The following DIP2B variants were observed in gnomAD, a reference collection of about 807,000 sequenced individuals.
DIP2B encodes the protein disco-interacting protein 2 homolog B.
Under a neutral mutation model 198.0 loss-of-function variants are expected in DIP2B, and 76 were observed. The observed-to-expected ratio is 0.38, with a 90% CI of 0.32 to 0.46. The LOEUF is 0.46. Among genes scored for constraint, DIP2B ranks in the 20% least tolerant of loss-of-function variants. The pLI is 0.99. For synonymous variants in DIP2B, 701 were observed against 739.1 expected, an observed-to-expected ratio of 0.95 and a Z score of 0.84; for missense variants, 1,559 against 1,978.4, an observed-to-expected ratio of 0.79 and a Z score of 4.02.
intron 1 of DIP2B, among the ~76,000 whole-genome samples, chr12:50,619,621 C>T (rs1011597785): frequency 3.9e-5 from 6 of 152,156 alleles, no homozygotes; most frequent in Non-Finnish European, 7.4e-5. Context: ...CTCTTCTCTG[C>T]GACATAATTG....
chr12:50,576,738 C>T (rs767061268), intron 1 of DIP2B, among the ~76,000 whole-genome samples: 6 of 136,756 alleles, frequency 4.4e-5, no homozygotes, highest in Non-Finnish European at 9.9e-5. Flanking sequence ...GCCTCGGCCT[C>T]TCAAAGTGCT....
chr12:50,645,156 T>C (rs192706524), intron 3 of DIP2B, among the ~76,000 whole-genome samples: 359 of 152,298 alleles, frequency 2.4e-3, no homozygotes, highest in Middle Eastern at 6.8e-3. Context: ...AGTATAAAAT[T>C]ATTTCATTTC....
At chr12:50,699,369 TG>T (rs1470980853) in intron 19 of DIP2B, among the ~76,000 whole-genome samples, 167 bp downstream of exon 19, 1 of 152,156 alleles carries the variant, frequency 6.6e-6, no homozygotes, top group East Asian at 1.9e-4. Context: ...TAGCTGACCT[TG>T]GGTGAGTTGG....
chr12:50,566,736 G>GAGA (rs1406186454), intron 1 of DIP2B, among the ~76,000 whole-genome samples: 4 of 152,090 alleles, frequency 2.6e-5, no homozygotes, highest in African/African-American at 9.7e-5. Flanking sequence ...TTGGGAGGCT[G>GAGA]AGATGGGCAG....
intron 27 of DIP2B, among the ~76,000 whole-genome samples, chr12:50,724,240 G>A (rs558157564): frequency 1.8e-4 from 28 of 152,314 alleles, no homozygotes; most frequent in African/African-American, 6.3e-4. Flanking sequence ...GATGCAGTTC[G>A]TGGGCAAAGT....
At chr12:50,661,707 T>C (rs1162904643) in intron 4 of DIP2B, among the ~76,000 whole-genome samples, 1 of 152,184 alleles carries the variant, frequency 6.6e-6, no homozygotes, top group East Asian at 1.9e-4. Flanking sequence ...CAAAGGGGGC[T>C]CTCAGTTTAG....
chr12:50,527,495 A>G (rs1026087225), intron 1 of DIP2B, among the ~76,000 whole-genome samples: 3 of 152,232 alleles, frequency 2.0e-5, no homozygotes, highest in African/African-American at 7.2e-5. Context: ...CTTGTGAAAC[A>G]TCTTAATAAC....
Position 50,521,457 on chromosome 12 carries a change from T to C in DIP2B, c.100+16217T>C, listed in dbSNP as rs1206742542. Among the ~76,000 whole-genome samples the C allele has an allele frequency of 2.6e-5, 4 of 151,764 alleles. No individual in the cohort carries two copies. The East Asian group carries it at 7.7e-4, about 29-fold the overall frequency. On this transcript the variant is annotated intron_variant, in intron 1 of 37. Transcript: ENST00000301180. Reference sequence around the variant, plus strand: ...CACTGTTTGTTTCATTTATGTTATTTTTACCTTCTCAGTTAGACTTCAGGT... The same window carrying C: ...CACTGTTTGTTTCATTTATGTTATTCTTACCTTCTCAGTTAGACTTCAGGT...
intron 4 of DIP2B, among the ~76,000 whole-genome samples, chr12:50,664,778 G>A (rs1158180685): frequency 6.7e-6 from 1 of 148,532 alleles, no homozygotes; most frequent in Non-Finnish European, 1.5e-5. Flanking sequence ...CTTGAGAGTA[G>A]CTAGAGTAAT....
intron 1 of DIP2B, among the ~76,000 whole-genome samples, chr12:50,525,960 TTC>T (rs1958160741): frequency 6.6e-6 from 1 of 152,054 alleles, no homozygotes; most frequent in Admixed American, 6.5e-5. Flanking sequence ...CTCTTTTACT[TTC>T]TTTTTTTCCT....
chr12:50,646,531 C>T (rs111250582), intron 3 of DIP2B, among the ~76,000 whole-genome samples: 3,077 of 152,152 alleles, frequency 0.02, 53 homozygotes, highest in Non-Finnish European at 0.028. Flanking sequence ...AAGTAATTCT[C>T]GTGCCTCAGT....
intron 1 of DIP2B, among the ~76,000 whole-genome samples, chr12:50,589,449 G>T (rs1180810319): frequency 6.6e-6 from 1 of 151,830 alleles, no homozygotes; most frequent in Non-Finnish European, 1.5e-5. Flanking sequence ...AAAGTGCTGG[G>T]GTTTCAGATG....
intron 3 of DIP2B, among the ~76,000 whole-genome samples, chr12:50,653,328 C>CT (rs71086465): frequency 0.61 from 71,089 of 116,158 alleles, 21,155 homozygotes; most frequent in Non-Finnish European, 0.69. Flanking sequence ...GTCTTTCTTT[C>CT]TTTTTTTTTT....
chr12:50,699,180 G>T lies in DIP2B; in HGVS notation c.2303G>T (p.Gly768Val), dbSNP rs779309587. 5 of 1,613,838 alleles carry T rather than the reference G, an allele frequency of 3.1e-6. No individual in the cohort carries two copies. In the African/African-American group the frequency reaches 6.7e-5, roughly 22 times the overall value. Reference sequence around the variant, plus strand: ...GGCATGATGTACTTTGGGCTTGCTGGTGTGACAAAAAATACATTTGAGGTA... The same window carrying T: ...GGCATGATGTACTTTGGGCTTGCTGTTGTGACAAAAAATACATTTGAGGTA... ...TGGMMYFGLA[G>V]VTKNTFEVIP... Residue 768 changes from glycine to valine, a missense_variant, in exon 19 of 38, where the codon GGT becomes GTT. Gly to Val is a moderately radical substitution (Grantham distance 109). Coordinates refer to ENST00000301180, the MANE Select transcript of DIP2B (RefSeq NM_173602.3).
Position 50,745,942 on chromosome 12 carries a change from G to A in DIP2B, c.*1103G>A, listed in dbSNP as rs1485634650. Reference sequence around the variant, plus strand: ...GTTCTTCCAGTTCACGAGGGCAGGGGGTTTAAAACAAGAATGATAGGCCAG... The same window carrying A: ...GTTCTTCCAGTTCACGAGGGCAGGGAGTTTAAAACAAGAATGATAGGCCAG... On this transcript the variant is annotated 3_prime_UTR_variant, in exon 38 of 38. Coordinates refer to ENST00000301180, the MANE Select transcript of DIP2B (RefSeq NM_173602.3). 6.6e-6 allele frequency: 1 copy of A among 152,180 alleles called. No individual in the cohort carries two copies. Among genetic ancestry groups the A allele is most frequent in the Non-Finnish European group, 1.5e-5 (1 of 68,058 alleles). The allele number at this position is 152,180 out of a possible 1,614,324, so 9.4% of individuals were successfully genotyped here. A position where few individuals can be genotyped will look rare whatever the true frequency, so the allele number is the denominator to read the frequency against.
intron 37 of DIP2B, among the ~76,000 whole-genome samples, chr12:50,742,604 T>C (rs1000071634): frequency 6.6e-6 from 1 of 151,924 alleles, no homozygotes; most frequent in African/African-American, 2.4e-5. Context: ...TGTCTAAAAA[T>C]GCTCTTGTCG....
intron 3 of DIP2B, among the ~76,000 whole-genome samples, chr12:50,648,556 GT>G (rs1170093770): frequency 6.6e-6 from 1 of 151,868 alleles, no homozygotes; most frequent in Non-Finnish European, 1.5e-5. Context: ...GTAGAGACGG[GT>G]TTTCACTGTG....
chr12:50,709,358 C>T (rs1384183564), intron 22 of DIP2B, among the ~76,000 whole-genome samples: 1 of 152,060 alleles, frequency 6.6e-6, no homozygotes, highest in East Asian at 1.9e-4. Flanking sequence ...ATAGGCCAGG[C>T]GCAGTGGCTC....
intron 9 of DIP2B, among the ~76,000 whole-genome samples, chr12:50,681,724 A>G (rs998341539): frequency 2.0e-5 from 3 of 152,216 alleles, no homozygotes; most frequent in Non-Finnish European, 2.9e-5. Flanking sequence ...TGATTATGGA[A>G]TCTCTTAAAC....
Sources: allele counts gnomAD v4.1 joint callset (sites outside exome capture counted in the v4.1 genomes callset), GRCh38; gene constraint gnomAD v4.1.1; transcripts MANE v1.5; gene names NCBI Gene and HGNC (gene_info 2026-07-23, HGNC 2026-07-21).